The following NCALD variants were observed in gnomAD, a reference collection of about 807,000 sequenced individuals.
The protein encoded by NCALD is neurocalcin-delta.
Under a neutral mutation model 18.6 loss-of-function variants are expected in NCALD, and 10 were observed. The ratio of observed to expected loss-of-function variants is 0.54; its 90% CI spans 0.33 to 0.91. NCALD has a LOEUF of 0.91. NCALD is among the 40% of genes least tolerant of loss of function. NCALD has a pLI of 0.03. For synonymous variants in NCALD, 88 were observed against 87.4 expected (o/e 1.01, Z -0.04); for missense variants, 184 against 247.6 (o/e 0.74, Z 1.72).
intron 4 of NCALD, among the ~76,000 whole-genome samples, chr8:101,846,157 A>G (rs1451530640): frequency 6.6e-6 from 1 of 152,150 alleles, no homozygotes; most frequent in Admixed American, 6.5e-5. Context: ...TACCTCTTCA[A>G]CTTACTGATT....
chr8:102,113,812 T>A (rs1340099270), intron 1 of NCALD, among the ~76,000 whole-genome samples: 1 of 152,226 alleles, frequency 6.6e-6, no homozygotes, highest in African/African-American at 2.4e-5. Flanking sequence ...GTTGGGCACT[T>A]ATATTAGTTT....
chr8:101,756,283 A>T (rs553280671), intron 1 of NCALD, among the ~76,000 whole-genome samples: 21 of 152,306 alleles, frequency 1.4e-4, no homozygotes, highest in African/African-American at 5.1e-4. Flanking sequence ...GAGGTGACAG[A>T]TCATTAAGAG....
intron 3 of NCALD, among the ~76,000 whole-genome samples, chr8:101,907,001 T>C (rs540906165): frequency 3.3e-4 from 50 of 152,374 alleles, no homozygotes; most frequent in African/African-American, 1.1e-3. Flanking sequence ...TTACTGATTT[T>C]TTCTCTTGCC....
intron 1 of NCALD, among the ~76,000 whole-genome samples, chr8:101,753,625 T>C (rs1180207224): frequency 6.6e-6 from 1 of 152,074 alleles, no homozygotes; most frequent in Non-Finnish European, 1.5e-5. Flanking sequence ...TTTTGGCCAA[T>C]AGGACAAGTC....
At chr8:101,849,119 C>T (rs1477577546) in intron 4 of NCALD, among the ~76,000 whole-genome samples, 1 of 152,178 alleles carries the variant, frequency 6.6e-6, no homozygotes, top group Non-Finnish European at 1.5e-5. Flanking sequence ...GAAAACCAAA[C>T]ACTGCATGTT....
At chr8:102,101,144 G>A (rs756564927) in intron 1 of NCALD, among the ~76,000 whole-genome samples, 26 of 152,342 alleles carry the variant, frequency 1.7e-4, no homozygotes, top group Non-Finnish European at 4.4e-5. Context: ...CGTGAAGCCA[G>A]TCAGGATGTG....
intron 2 of NCALD, among the ~76,000 whole-genome samples, chr8:101,917,572 T>G (rs1235765739): frequency 6.6e-6 from 1 of 150,592 alleles, no homozygotes; most frequent in Admixed American, 6.6e-5. Context: ...TAAACAAGAT[T>G]GATAGACCAT....
chr8:101,958,623 C>A (rs6995105), intron 2 of NCALD, among the ~76,000 whole-genome samples: 63,541 of 151,820 alleles, frequency 0.42, 13,585 homozygotes, highest in Admixed American at 0.48. Context: ...ACTAAAATCT[C>A]CTATCAATCC....
At chr8:101,942,621 T>C (rs1327473122) in intron 2 of NCALD, among the ~76,000 whole-genome samples, 1 of 152,224 alleles carries the variant, frequency 6.6e-6, no homozygotes, top group Non-Finnish European at 1.5e-5. Flanking sequence ...GATGATTACG[T>C]GTTCTACCTA....
At chr8:101,692,741 C>A in intron 3 of NCALD, 50 bp downstream of exon 3, 2 of 1,542,544 alleles carry the variant, frequency 1.3e-6, no homozygotes, top group South Asian at 1.1e-5. Flanking sequence ...ACTCTCCAGT[C>A]CTTCCAGCAG....
intron 4 of NCALD, among the ~76,000 whole-genome samples, chr8:101,839,128 C>T (rs866859651): frequency 1.3e-5 from 2 of 152,136 alleles, no homozygotes; most frequent in Non-Finnish European, 2.9e-5. Flanking sequence ...AGATATGGGC[C>T]TTGCCTTCAA....
chr8:101,751,009 A>G (rs1810633548), intron 1 of NCALD, among the ~76,000 whole-genome samples: 1 of 152,212 alleles, frequency 6.6e-6, no homozygotes, highest in South Asian at 2.1e-4. Flanking sequence ...TCAGAAATAC[A>G]TCCAAGTGCA....
At chr8:101,867,156 C>T (rs1006921035) in intron 4 of NCALD, among the ~76,000 whole-genome samples, 1 of 152,176 alleles carries the variant, frequency 6.6e-6, no homozygotes, top group Admixed American at 6.5e-5. Flanking sequence ...CAGGCTACCT[C>T]CCTCATTTCC....
chr8:101,749,609 T>C (rs1336006924), intron 1 of NCALD, among the ~76,000 whole-genome samples: 1 of 152,172 alleles, frequency 6.6e-6, no homozygotes, highest in African/African-American at 2.4e-5. Context: ...TATACAAGGT[T>C]GTATAAAGAA....
intron 2 of NCALD, among the ~76,000 whole-genome samples, chr8:102,005,440 T>C (rs1012799116): frequency 1.7e-4 from 26 of 152,318 alleles, no homozygotes; most frequent in Non-Finnish European, 1.8e-4. Flanking sequence ...GACTGTAAAC[T>C]AGTTCAACCA....
rs1483845411 is a variant in NCALD at position 101,735,487 on chromosome 8, G to T, written c.-19-15839C>A. Among the ~76,000 whole-genome samples the T allele has an allele frequency of 3.9e-5, 6 of 152,172 alleles. No individual in the cohort carries two copies. The East Asian group carries it at 1.2e-3, about 29-fold the overall frequency. On this transcript the variant is annotated intron_variant, in intron 1 of 3. Transcript: ENST00000220931. ...TTCCCCAGCCTCCCCTCTCAGGTCTGCAGGGCTTTTAAGGGCTCATTAAAG... is the reference window on the plus strand; with the variant it reads ...TTCCCCAGCCTCCCCTCTCAGGTCTTCAGGGCTTTTAAGGGCTCATTAAAG...
intron 3 of NCALD, 26 bp downstream of exon 3, chr8:101,692,765 A>C (rs1404715367): frequency 1.4e-5 from 22 of 1,587,072 alleles, no homozygotes; most frequent in Non-Finnish European, 1.9e-5. Flanking sequence ...CCATCTGAGC[A>C]AAGCAGTGTA....
intron 2 of NCALD, among the ~76,000 whole-genome samples, chr8:101,940,488 G>C (rs908375522): frequency 2.0e-5 from 3 of 152,196 alleles, no homozygotes; most frequent in African/African-American, 7.2e-5. Flanking sequence ...AGGTAAAGCA[G>C]AAATATACCA....
intron 1 of NCALD, among the ~76,000 whole-genome samples, chr8:102,061,256 GC>G (rs1213467170): frequency 1.3e-5 from 2 of 152,282 alleles, no homozygotes; most frequent in East Asian, 3.9e-4. Flanking sequence ...ACGGGTAGGA[GC>G]CCCCCAGGGT....
Sources: allele counts gnomAD v4.1 joint callset (sites outside exome capture counted in the v4.1 genomes callset), GRCh38; gene constraint gnomAD v4.1.1; transcripts MANE v1.5; gene names NCBI Gene and HGNC (gene_info 2026-07-23, HGNC 2026-07-21).